The following ATF7IP2 variants were observed in gnomAD, a reference collection of about 807,000 sequenced individuals.
ATF7IP2 encodes activating transcription factor 7 interacting protein 2, also known as activating transcription factor 7-interacting protein 2.
Under a neutral mutation model 64.2 loss-of-function variants are expected in ATF7IP2, and 42 were observed. The ratio of observed to expected loss-of-function variants is 0.65; its 90% CI spans 0.51 to 0.85. The LOEUF (loss-of-function observed/expected upper bound fraction) is 0.85. ATF7IP2 is among the 40% of genes least tolerant of loss of function. The pLI is 0.00. For synonymous variants in ATF7IP2, 308 were observed against 272.8 expected (o/e 1.13, Z -1.27); for missense variants, 933 against 784.2 (o/e 1.19, Z -2.27).
At chr16:10,448,720 AT>A (rs1320411910) in intron 8 of ATF7IP2, 1 of 152,160 alleles carries the variant, frequency 6.6e-6, no homozygotes, top group East Asian at 1.9e-4. Flanking sequence ...AGATGTAGAT[AT>A]TTCTAAATCT....
intron 10 of ATF7IP2, among the ~76,000 whole-genome samples, chr16:10,473,190 G>A (rs2049870233): frequency 1.3e-5 from 2 of 152,144 alleles, no homozygotes; most frequent in Non-Finnish European, 2.9e-5. Context: ...TTAAAAGTGT[G>A]TGCATTTCCA....
intron 9 of ATF7IP2, among the ~76,000 whole-genome samples, chr16:10,457,776 G>A (rs556520561): frequency 2.0e-5 from 3 of 151,894 alleles, no homozygotes; most frequent in Non-Finnish European, 2.9e-5. Context: ...GTACAGTCAC[G>A]GCTCACTGCA....
At chr16:10,449,312 G>T (rs977743424) in intron 8 of ATF7IP2, 1 of 152,114 alleles carries the variant, frequency 6.6e-6, no homozygotes, top group Non-Finnish European at 1.5e-5. Context: ...TCAGGATGAC[G>T]CTGGACTCAT....
intron 9 of ATF7IP2, among the ~76,000 whole-genome samples, chr16:10,468,601 G>C (rs558477907): frequency 1.1e-4 from 17 of 152,306 alleles, no homozygotes; most frequent in African/African-American, 4.1e-4. Context: ...TTAGGTCAGA[G>C]ATTGGAGAAT....
intron 1 of ATF7IP2, among the ~76,000 whole-genome samples, chr16:10,403,426 T>C (rs1225783488): frequency 6.6e-6 from 1 of 152,064 alleles, no homozygotes; most frequent in Non-Finnish European, 1.5e-5. Context: ...ACTGAACTCA[T>C]CCAGAAGCAA....
intron 6 of ATF7IP2, 35 bp from the exon 7 acceptor site, chr16:10,438,066 C>T (rs199877506): frequency 1.4e-6 from 2 of 1,472,438 alleles, no homozygotes; most frequent in Admixed American, 2.6e-5. Context: ...AAATTTGAAA[C>T]GTAGGGTGTT....
chr16:10,397,229 C>T (rs1445882854), intron 1 of ATF7IP2, among the ~76,000 whole-genome samples: 2 of 152,094 alleles, frequency 1.3e-5, no homozygotes, highest in African/African-American at 4.8e-5. Context: ...TTTACTGTAG[C>T]TTTGTGGTAT....
chr16:10,478,059 A>G (rs1036082964), intron 12 of ATF7IP2, among the ~76,000 whole-genome samples: 109 of 151,304 alleles, frequency 7.2e-4, no homozygotes, highest in Middle Eastern at 3.4e-3. Context: ...AATCAATATC[A>G]TGAAAATGGA....
intron 9 of ATF7IP2, among the ~76,000 whole-genome samples, chr16:10,465,807 A>T (rs1292938666): frequency 6.6e-6 from 1 of 151,974 alleles, no homozygotes; most frequent in African/African-American, 2.4e-5. Context: ...ATATCATTAC[A>T]TTAAAATCTA....
intron 9 of ATF7IP2, among the ~76,000 whole-genome samples, chr16:10,465,512 C>A (rs1198078025): frequency 6.6e-6 from 1 of 151,302 alleles, no homozygotes; most frequent in East Asian, 1.9e-4. Context: ...TTTGGGAGGC[C>A]GAGGCTCCTG....
chr16:10,472,364 G>T (rs2049832673), intron 10 of ATF7IP2, among the ~76,000 whole-genome samples, 181 bp downstream of exon 10: 1 of 152,050 alleles, frequency 6.6e-6, no homozygotes, highest in Non-Finnish European at 1.5e-5. Context: ...TAATGTAATT[G>T]AGATTTCATT....
intron 12 of ATF7IP2, among the ~76,000 whole-genome samples, chr16:10,477,061 G>C (rs192980704): frequency 1.3e-5 from 2 of 151,994 alleles, no homozygotes; most frequent in Admixed American, 1.3e-4. Context: ...TGATGAAATC[G>C]CCAAAACCAA....
At chr16:10,423,165 G>A (rs12929127) in intron 3 of ATF7IP2, among the ~76,000 whole-genome samples, 22,778 of 152,154 alleles carry the variant, frequency 0.15, 1,878 homozygotes, top group African/African-American at 0.21. Flanking sequence ...AATGGCGTGA[G>A]CCTGGGAGGC....
At chr16:10,471,908 A>G (rs113278451) in intron 9 of ATF7IP2, 5 of 375,796 alleles carry the variant, frequency 1.3e-5, no homozygotes, top group Admixed American at 8.7e-5. Context: ...TTGGATTTTG[A>G]TGAATCTTTA....
At chr16:10,438,352 C>A in intron 7 of ATF7IP2, 117 bp downstream of exon 7, 1 of 1,097,108 alleles carries the variant, frequency 9.1e-7, no homozygotes, top group Non-Finnish European at 1.2e-6. Flanking sequence ...TCAAGCAATC[C>A]TACCACCTCA....
In ATF7IP2 at chr16:10,428,997, C is replaced by T. The variant is rs2048157236; in HGVS notation, c.-30C>T. The T allele has an allele frequency of 6.6e-6, 1 of 152,050 alleles. No homozygotes were observed. Among genetic ancestry groups the T allele is most frequent in the African/African-American group, 2.4e-5 (1 of 41,398 alleles). The allele number at this position is 152,050 out of a possible 1,614,324, so 9.4% of individuals were successfully genotyped here. A position where few individuals can be genotyped will look rare whatever the true frequency, so the allele number is the denominator to read the frequency against. On this transcript the variant is annotated 5_prime_UTR_variant, in exon 4 of 14. Transcript: ENST00000562102. The stretch of plus-strand genomic sequence containing the variant: ...CAAGTGAACCTTTTGCATCAGCCTC[C>T]TGAATAGCTGAGACCACAGGTATGT...
At chr16:10,412,003 T>A (rs1184389073) in intron 1 of ATF7IP2, among the ~76,000 whole-genome samples, 2 of 98,150 alleles carry the variant, frequency 2.0e-5, no homozygotes, top group African/African-American at 1.1e-4. Context: ...TTCATTTATC[T>A]TTTTTTGTTT....
intron 8 of ATF7IP2, among the ~76,000 whole-genome samples, chr16:10,441,404 C>T (rs910065193): frequency 1.3e-5 from 2 of 152,208 alleles, no homozygotes; most frequent in Non-Finnish European, 1.5e-5. Context: ...TGCACATCCT[C>T]TCCAGCATCT....
intron 7 of ATF7IP2, among the ~76,000 whole-genome samples, chr16:10,438,879 C>G (rs1365443770): frequency 6.6e-6 from 1 of 151,842 alleles, no homozygotes; most frequent in Non-Finnish European, 1.5e-5. Flanking sequence ...ATAGTGAAAC[C>G]CAATCTCTCC....
Sources: allele counts gnomAD v4.1 joint callset (sites outside exome capture counted in the v4.1 genomes callset), GRCh38; gene constraint gnomAD v4.1.1; transcripts MANE v1.5; gene names NCBI Gene and HGNC (gene_info 2026-07-23, HGNC 2026-07-21).